ENTREP2: variants seen among roughly 807,000 people sequenced by gnomAD.
The protein encoded by ENTREP2 is endosomal transmembrane epsin interactor 2.
the ENTREP2 span, among the ~76,000 whole-genome samples, chr15:29,379,434 T>C: frequency 6.6e-6 from 1 of 152,156 alleles, no homozygotes; most frequent in Non-Finnish European, 1.5e-5. Flanking sequence ...GGCAAGGAAG[T>C]CAGTCAAGCC....
the ENTREP2 span, among the ~76,000 whole-genome samples, chr15:29,489,940 T>A: frequency 1.3e-5 from 2 of 152,240 alleles, no homozygotes; most frequent in East Asian, 3.8e-4. Flanking sequence ...TGTTCAAGCA[T>A]CAAAATGTTT....
the ENTREP2 span, among the ~76,000 whole-genome samples, chr15:29,461,258 C>CA: frequency 3.3e-5 from 5 of 152,114 alleles, no homozygotes; most frequent in South Asian, 4.1e-4. Context: ...AACCTACTGT[C>CA]ACATGACTTT....
At chr15:29,356,407 C>T in the ENTREP2 span, among the ~76,000 whole-genome samples, 3 of 144,832 alleles carry the variant, frequency 2.1e-5, no homozygotes, top group Non-Finnish European at 4.5e-5. Flanking sequence ...CCTGGGTTCA[C>T]GCCATTCTCC....
the ENTREP2 span, among the ~76,000 whole-genome samples, chr15:29,552,283 G>A: frequency 2.0e-5 from 3 of 152,068 alleles, no homozygotes; most frequent in Admixed American, 2.0e-4. Flanking sequence ...CATAGCAAGT[G>A]AACAATAGAT....
At chr15:29,433,461 A>C in the ENTREP2 span, among the ~76,000 whole-genome samples, 1 of 152,208 alleles carries the variant, frequency 6.6e-6, no homozygotes, top group Non-Finnish European at 1.5e-5. Flanking sequence ...GCTCATAGTA[A>C]TTCACATATC....
the ENTREP2 span, among the ~76,000 whole-genome samples, chr15:29,165,639 A>G: frequency 1.4e-4 from 21 of 152,336 alleles, no homozygotes; most frequent in African/African-American, 4.6e-4. Context: ...GAAGAATTAG[A>G]TACCTTGAAC....
At chr15:29,246,138 A>T in the ENTREP2 span, among the ~76,000 whole-genome samples, 4,212 of 152,254 alleles carry the variant, frequency 0.028, 194 homozygotes, top group African/African-American at 0.096. Context: ...ACGCCTGTAA[A>T]CCCAGCACTT....
At chr15:29,444,888 C>G in the ENTREP2 span, among the ~76,000 whole-genome samples, 4 of 152,222 alleles carry the variant, frequency 2.6e-5, no homozygotes, top group Non-Finnish European at 5.9e-5. Context: ...GCCACTCAGG[C>G]TGAGACCCTG....
the ENTREP2 span, among the ~76,000 whole-genome samples, chr15:29,270,447 A>C: frequency 6.6e-6 from 1 of 152,226 alleles, no homozygotes; most frequent in Admixed American, 6.5e-5. Context: ...TATTAGGTAA[A>C]TGTTTTAGCT....
the ENTREP2 span, among the ~76,000 whole-genome samples, chr15:29,551,036 G>A: frequency 1.3e-5 from 2 of 152,166 alleles, no homozygotes; most frequent in Non-Finnish European, 2.9e-5. Context: ...GGCCAATGAT[G>A]CAATCGGCCT....
chr15:29,137,297 T>G, the ENTREP2 span: 2 of 1,080,030 alleles, frequency 1.9e-6, no homozygotes, highest in Non-Finnish European at 2.6e-6. Context: ...TTGGAATGCC[T>G]GTAATTTCAA....
the ENTREP2 span, among the ~76,000 whole-genome samples, chr15:29,487,355 C>A: frequency 2.6e-5 from 4 of 152,118 alleles, no homozygotes; most frequent in African/African-American, 9.7e-5. Flanking sequence ...AAGGTCAAGG[C>A]ATAGCTGTAA....
the ENTREP2 span, among the ~76,000 whole-genome samples, chr15:29,216,281 C>T: frequency 6.6e-6 from 1 of 152,168 alleles, no homozygotes; most frequent in Non-Finnish European, 1.5e-5. Flanking sequence ...TTTCAAGAGG[C>T]TGAAGATAGG....
the ENTREP2 span, among the ~76,000 whole-genome samples, chr15:29,578,480 T>A: frequency 1.3e-5 from 2 of 152,314 alleles, no homozygotes; most frequent in East Asian, 3.9e-4. Context: ...TTGACTTGTC[T>A]TTGTTCGTTA....
chr15:29,152,958 CTGTT>C, the ENTREP2 span, among the ~76,000 whole-genome samples: 2 of 152,152 alleles, frequency 1.3e-5, no homozygotes, highest in African/African-American at 2.4e-5. Context: ...TTTGGTGTCA[CTGTT>C]TGTGTTTTAG....
chr15:29,454,920 C>T, the ENTREP2 span, among the ~76,000 whole-genome samples: 2 of 152,166 alleles, frequency 1.3e-5, no homozygotes, highest in African/African-American at 2.4e-5. Context: ...GCATTATACA[C>T]GTAAAGCACT....
the ENTREP2 span, among the ~76,000 whole-genome samples, chr15:29,477,251 G>C: frequency 6.6e-6 from 1 of 152,126 alleles, no homozygotes; most frequent in African/African-American, 2.4e-5. Context: ...TCACCTTTGG[G>C]GGCAGTAAGT....
the ENTREP2 span, among the ~76,000 whole-genome samples, chr15:29,387,948 T>C: frequency 6.6e-6 from 1 of 152,142 alleles, no homozygotes; most frequent in Non-Finnish European, 1.5e-5. Flanking sequence ...CCCTTCCTTA[T>C]ACCTTATACA....
the ENTREP2 span, among the ~76,000 whole-genome samples, chr15:29,475,551 C>T: frequency 6.6e-6 from 1 of 152,214 alleles, no homozygotes; most frequent in Non-Finnish European, 1.5e-5. Context: ...ACCCAGTGGG[C>T]AAGAGGGGCT....
Sources: allele counts gnomAD v4.1 joint callset (sites outside exome capture counted in the v4.1 genomes callset), GRCh38; gene constraint gnomAD v4.1.1; transcripts MANE v1.5; gene names NCBI Gene and HGNC (gene_info 2026-07-23, HGNC 2026-07-21).